The following DCAF6 variants were observed in gnomAD, a reference collection of about 807,000 sequenced individuals.
The protein encoded by DCAF6 is DDB1 and CUL4 associated factor 6, also known as DDB1- and CUL4-associated factor 6.
A neutral mutation model predicts 125.1 loss-of-function variants in DCAF6; 54 were observed. That is an observed-to-expected ratio of 0.43 (90% confidence interval 0.35 to 0.54). The LOEUF is 0.54. Ranked by LOEUF, DCAF6 falls within the 20% of genes least tolerant of loss-of-function variation. DCAF6 has a pLI of 0.01. For synonymous variants in DCAF6, 371 were observed against 390.4 expected (o/e 0.95, Z 0.58); for missense variants, 934 against 1,161.7 (o/e 0.80, Z 2.85).
At chr1:168,049,428 G>GTTTT (rs1239526601) in intron 16 of DCAF6, among the ~76,000 whole-genome samples, 6 of 67,420 alleles carry the variant, frequency 8.9e-5, no homozygotes, top group Admixed American at 4.2e-4. Context: ...TGTTGTTGTT[G>GTTTT]TTGTTTTTTT....
chr1:168,075,426 T>C lies in DCAF6; in HGVS notation c.2847T>C (p.Asp949=), dbSNP rs775355967. The C allele has an allele frequency of 2.5e-6, 4 of 1,599,302 alleles. 1 individual carries two copies. The Admixed American group carries it at 7.1e-5, about 28-fold the overall frequency. ...EGSGQENENE[D]EE ...CTGGTCAAGAGAATGAAAATGAGGA[T>C]GAGGAATAATAAACTCTTTTTGGCA... Residue 949 remains aspartate (D), a synonymous_variant, in exon 22 of 22, where the codon GAT becomes GAC. Transcript: ENST00000367840.
chr1:168,057,355 T>C (rs1691010570), intron 17 of DCAF6, among the ~76,000 whole-genome samples: 1 of 152,240 alleles, frequency 6.6e-6, no homozygotes, highest in South Asian at 2.1e-4. Context: ...AACTTCATAC[T>C]TTAACCTTGG....
At chr1:168,072,321 A>AAAAAAAAG (rs1693200024) in intron 21 of DCAF6, among the ~76,000 whole-genome samples, 8 of 146,372 alleles carry the variant, frequency 5.5e-5, no homozygotes, top group African/African-American at 2.1e-4. Context: ...AAAAAAAAAA[A>AAAAAAAAG]AAAAGAAAAG....
intron 10 of DCAF6, among the ~76,000 whole-genome samples, chr1:168,013,852 C>T (rs1239910743): frequency 6.6e-6 from 1 of 151,914 alleles, no homozygotes; most frequent in Non-Finnish European, 1.5e-5. Context: ...CTCAAGTGAT[C>T]CTCCTACCTC....
intron 17 of DCAF6, 114 bp from the exon 18 acceptor site, chr1:168,063,504 CTTA>C: frequency 2.3e-6 from 2 of 851,088 alleles, no homozygotes; most frequent in African/African-American, 1.8e-5. Flanking sequence ...TTGGGGGTGC[CTTA>C]TTGAGATAGT....
intron 4 of DCAF6, among the ~76,000 whole-genome samples, chr1:167,979,185 T>A (rs1055824684): frequency 2.6e-4 from 40 of 152,300 alleles, no homozygotes; most frequent in African/African-American, 7.7e-4. Flanking sequence ...AAGTTTTTTG[T>A]GTTAACATAA....
chr1:167,928,463 C>G, the DCAF6 span, among the ~76,000 whole-genome samples: 1 of 151,822 alleles, frequency 6.6e-6, no homozygotes, highest in African/African-American at 2.4e-5. Context: ...TAAAGCTAGA[C>G]AGGTAAATTT....
intron 12 of DCAF6, among the ~76,000 whole-genome samples, chr1:168,030,246 G>T (rs1686896123): frequency 6.6e-6 from 1 of 152,202 alleles, no homozygotes; most frequent in Non-Finnish European, 1.5e-5. Flanking sequence ...CATCCCTGAG[G>T]AAGAGACATT....
upstream of DCAF6, chr1:167,935,850 A>G: frequency 6.5e-7 from 1 of 1,547,578 alleles, no homozygotes; most frequent in South Asian, 1.2e-5. Context: ...ATCGCCGCCG[A>G]GGGATCGTTG....
chr1:168,039,755 A>G (rs1688279358), intron 13 of DCAF6, among the ~76,000 whole-genome samples: 1 of 148,798 alleles, frequency 6.7e-6, no homozygotes, highest in Non-Finnish European at 1.5e-5. Context: ...GTAATATAAT[A>G]TAGTTATGTA....
At chr1:167,920,521 A>G in the DCAF6 span, 1 of 1,606,686 alleles carries the variant, frequency 6.2e-7, no homozygotes, top group Non-Finnish European at 8.5e-7. Flanking sequence ...TCTACAAGAA[A>G]CACAGAAGAT....
intron 17 of DCAF6, among the ~76,000 whole-genome samples, chr1:168,059,319 A>G (rs571698416): frequency 3.3e-5 from 5 of 152,350 alleles, no homozygotes; most frequent in East Asian, 3.9e-4. Flanking sequence ...TCATATTACA[A>G]AGATTTATAT....
intron 7 of DCAF6, among the ~76,000 whole-genome samples, chr1:167,998,897 A>C (rs1171277467): frequency 6.6e-6 from 1 of 152,042 alleles, no homozygotes; most frequent in East Asian, 1.9e-4. Context: ...AACTTCTTCC[A>C]AACTCCTGTT....
chr1:167,993,556 C>A, intron 7 of DCAF6, 116 bp downstream of exon 7: 1 of 754,108 alleles, frequency 1.3e-6, no homozygotes, highest in East Asian at 2.6e-5. Flanking sequence ...TTGCAACCAG[C>A]CTGACCAACA....
intron 16 of DCAF6, among the ~76,000 whole-genome samples, chr1:168,047,380 A>G (rs1053178126): frequency 2.4e-4 from 37 of 152,166 alleles, no homozygotes; most frequent in Non-Finnish European, 4.9e-4. Flanking sequence ...ATCCCACTTC[A>G]TGCATATACT....
chr1:167,922,614 C>T, the DCAF6 span, among the ~76,000 whole-genome samples: 2 of 151,772 alleles, frequency 1.3e-5, no homozygotes, highest in South Asian at 2.1e-4. Flanking sequence ...AAAACCTGCT[C>T]CCTAGATCTC....
chr1:168,018,917 A>T (rs936485052), intron 11 of DCAF6, among the ~76,000 whole-genome samples: 2 of 152,148 alleles, frequency 1.3e-5, no homozygotes, highest in African/African-American at 4.8e-5. Context: ...TCAGTTTCCC[A>T]ATTATTGATT....
chr1:167,892,240 G>A, the DCAF6 span, among the ~76,000 whole-genome samples: 1 of 152,118 alleles, frequency 6.6e-6, no homozygotes, highest in Non-Finnish European at 1.5e-5. Flanking sequence ...CCAAAGTGCT[G>A]GGATTACAGG....
the DCAF6 span, among the ~76,000 whole-genome samples, chr1:167,888,875 C>CAAAAA: frequency 1.8e-4 from 17 of 94,046 alleles, no homozygotes; most frequent in Middle Eastern, 6.3e-3. Context: ...GACTCCGTCT[C>CAAAAA]AAAAAAAAAA....
Sources: gnomAD v4.1 joint callset for allele counts (sites outside exome capture counted in the v4.1 genomes callset) on GRCh38, gnomAD v4.1.1 for gene constraint, MANE v1.5 for transcripts, NCBI Gene and HGNC (gene_info 2026-07-23, HGNC 2026-07-21) for gene names.